Variants in MFGE8 observed in about 807,000 individuals in gnomAD.
The protein encoded by MFGE8 is lactadherin.
Under a neutral mutation model 42.6 loss-of-function variants are expected in MFGE8, and 34 were observed. The ratio of observed to expected loss-of-function variants is 0.80; its 90% confidence interval spans 0.61 to 1.06. The LOEUF (loss-of-function observed/expected upper bound fraction) is 1.06, where lower values mean the gene tolerates loss of function less well. MFGE8 is among the 50% of genes least tolerant of loss of function. The probability of loss-of-function intolerance (pLI) is 0.00; values close to 1 mark genes in which losing one functional copy is unlikely to be tolerated. For synonymous variants in MFGE8, 230 were observed against 214.8 expected, an observed-to-expected ratio of 1.07 and a Z score of -0.62; for missense variants, 510 against 516.9, an observed-to-expected ratio of 0.99 and a Z score of 0.13.
Position 88,899,518 on chromosome 15 carries a change from G to A in MFGE8, c.1041C>T (p.Asn347=), listed in dbSNP as rs778885417. 7 of 1,614,198 alleles carry A rather than the reference G, an allele frequency of 4.3e-6. No homozygotes were observed. Among genetic ancestry groups the A allele is most frequent in the Non-Finnish European group, 5.1e-6 (6 of 1,180,034 alleles). The change falls in exon 8 of 8, where the codon AAC becomes AAT. Residue 347 remains asparagine, a synonymous_variant. Transcript: ENST00000268150. The surrounding 1 kb of genome is among the most constrained non-coding windows in gnomAD (Gnocchi z 6.8). ...TCTTCTTGTGGGAGTGGTTGTCCCAGTTGCCAGGGAAGATCTAGAGGCAGA... is the reference window on the plus strand; with the variant it reads ...TCTTCTTGTGGGAGTGGTTGTCCCAATTGCCAGGGAAGATCTAGAGGCAGA... The part of the protein sequence containing the change: ...RTGSSKIFPG[N]WDNHSHKKNL...
intron 1 of MFGE8, chr15:88,912,964 C>T (rs1188131716): frequency 7.1e-6 from 7 of 985,340 alleles, no homozygotes; most frequent in South Asian, 4.7e-5. Flanking sequence ...AGGCCCGACA[C>T]AGCGGATTCC....
Position 88,906,729 on chromosome 15 carries a change from G to T in MFGE8, c.437C>A (p.Ala146Asp). The T allele has an allele frequency of 6.2e-7, 1 of 1,613,676 alleles. No individual in the cohort carries two copies. Among genetic ancestry groups the T allele is most frequent in the Non-Finnish European group, 8.5e-7 (1 of 1,179,926 alleles). ...MWVTGVVTQG[A>D]SRLASHEYLK... ...GTACTCATGACTGGCCAAGCGGCTGGCACCCTGCGTCACCACACCTGTTAC... is the reference window on the plus strand; with the variant it reads ...GTACTCATGACTGGCCAAGCGGCTGTCACCCTGCGTCACCACACCTGTTAC... The change falls in exon 4 of 8, where the codon GCC becomes GAC. Residue 146 changes from alanine to aspartate, a missense_variant. Ala to Asp is a moderately radical substitution (Grantham distance 126). Transcript: ENST00000268150. The surrounding 1 kb of genome is among the most constrained non-coding windows in gnomAD (Gnocchi z 4.2).
intron 1 of MFGE8, chr15:88,912,600 G>A (rs1178715779): frequency 2.0e-6 from 2 of 985,360 alleles, no homozygotes; most frequent in Non-Finnish European, 2.4e-6. Flanking sequence ...GAGGAGGACC[G>A]GGGAAGATAC....
chr15:88,900,281 A>G (rs1210867773), intron 6 of MFGE8, among the ~76,000 whole-genome samples: 1 of 151,346 alleles, frequency 6.6e-6, no homozygotes, highest in East Asian at 1.9e-4. Flanking sequence ...GGCATAAATA[A>G]TACCACCTAC....
At chr15:88,901,183 TCACACACACATTCACACATTCA>T (rs1367800561) in intron 6 of MFGE8, among the ~76,000 whole-genome samples, 1 of 46,528 alleles carries the variant, frequency 2.1e-5, no homozygotes, top group African/African-American at 8.2e-5. Flanking sequence ...TCTCACACAT[TCACACACACATTCACACATTCA>T]CACACACACA....
chr15:88,902,163 A>G lies in MFGE8; in HGVS notation c.686-428T>C, dbSNP rs1898465902. 1 of 224,644 alleles carries G rather than the reference A, an allele frequency of 4.5e-6. No individual in the cohort carries two copies. The highest frequency in any genetic ancestry group is 2.2e-5 in the African/African-American group (1 of 44,778). The allele number at this position is 224,644 out of a possible 1,614,324, so 13.9% of individuals were successfully genotyped here. A position where few individuals can be genotyped will look rare whatever the true frequency, so the allele number is the denominator to read the frequency against. Reference sequence around the variant, plus strand: ...ATCGCCTCGGCCTCCCATCCGTCCCATGGCACAGTCACTATCTACTTTAAT... The same window carrying G: ...ATCGCCTCGGCCTCCCATCCGTCCCGTGGCACAGTCACTATCTACTTTAAT... On this transcript the variant is annotated intron_variant, in intron 5 of 7. Transcript: ENST00000268150. The surrounding 1 kb of genome is among the most constrained non-coding windows in gnomAD (Gnocchi z 4.3).
Position 88,901,723 on chromosome 15 carries a change from G to C in MFGE8, c.698C>G (p.Pro233Arg), listed in dbSNP as rs1237152390. 3.1e-6 allele frequency: 5 copies of C among 1,613,754 alleles called. No homozygotes were observed. Among genetic ancestry groups the C allele is most frequent in the Non-Finnish European group, 4.2e-6 (5 of 1,179,978 alleles). The change falls in exon 6 of 8, where the codon CCC becomes CGC. Residue 233 changes from proline to arginine, a missense_variant. Physicochemically the swap from Pro to Arg is moderately radical, Grantham distance 103. Coordinates refer to ENST00000268150, the MANE Select transcript of MFGE8 (RefSeq NM_005928.4). ...LGCELNGCAN[P>R]LGLKNNSIPD... ...GATGCTGTTATTCTTCAGGCCCAGG[G>C]GATTGGCGCATCCTGCCAGCAAGGT...
At position 88,902,310 on chromosome 15, in the gene MFGE8, GAA is replaced by G. The variant is rs1471392845; in HGVS notation, c.686-577_686-576del. The G allele has an allele frequency of 6.3e-6, 1 of 158,762 alleles. No individual in the cohort carries two copies. Among genetic ancestry groups the G allele is most frequent in the Non-Finnish European group, 1.4e-5 (1 of 71,824 alleles). The allele number at this position is 158,762 out of a possible 1,614,324, so 9.8% of individuals were successfully genotyped here. A position where few individuals can be genotyped will look rare whatever the true frequency, so the allele number is the denominator to read the frequency against. ...AGCCCATTCTATAGATGAGAAAACT[GAA>G]AGACATTAAGCATCATGCTCAAGTC... On this transcript the variant is annotated intron_variant, in intron 5 of 7. Transcript: ENST00000268150. The surrounding 1 kb of genome is among the most constrained non-coding windows in gnomAD (Gnocchi z 4.3).
At chr15:88,901,044 C>CAT in intron 6 of MFGE8, among the ~76,000 whole-genome samples, 1 of 151,370 alleles carries the variant, frequency 6.6e-6, no homozygotes, top group South Asian at 2.1e-4. Flanking sequence ...TATTCACACA[C>CAT]ATTCACACAT....
intron 6 of MFGE8, chr15:88,900,658 G>A (rs910588646): frequency 4.1e-6 from 4 of 970,348 alleles, no homozygotes; most frequent in East Asian, 1.1e-4. Context: ...CCAACTCACT[G>A]CCAGCCAGCA....
rs758996079 is a variant in MFGE8, at chr15:88,906,515, A to G, written c.540+111T>C. On this transcript the variant is annotated intron_variant, in intron 4 of 7. Coordinates refer to ENST00000268150, the MANE Select transcript of MFGE8 (RefSeq NM_005928.4). This position sits in a 1 kb window ranked among gnomAD's most constrained non-coding sequence, Gnocchi z 4.2. ...AGCCAAGATGCACCCGAAGACCCAC[A>G]TCATAGCCAATCACCTAGGGTTCTC... 53 of 1,288,556 alleles carry G rather than the reference A, an allele frequency of 4.1e-5. 3 individuals carry two copies. The South Asian group carries it at 6.2e-4, about 15-fold the overall frequency. 79.8% of individuals were successfully genotyped at this position (1,288,556 alleles called of 1,614,324 possible). A position where few individuals can be genotyped will look rare whatever the true frequency, so the allele number is the denominator to read the frequency against.
chr15:88,899,942 T>C lies in MFGE8; in HGVS notation c.871-131A>G, dbSNP rs946509967. 1.6e-5 allele frequency: 17 copies of C among 1,094,430 alleles called. No individual in the cohort carries two copies. The highest frequency in any genetic ancestry group is 2.0e-5 in the Non-Finnish European group (15 of 735,564). 67.8% of individuals were successfully genotyped at this position (1,094,430 alleles called of 1,614,324 possible). A position where few individuals can be genotyped will look rare whatever the true frequency, so the allele number is the denominator to read the frequency against. Reference sequence around the variant, plus strand: ...GGGTGAGCCTCAGTTTCTTTGGCTATAAAATGGGCATAAGGCCGGACATGG... The same window carrying C: ...GGGTGAGCCTCAGTTTCTTTGGCTACAAAATGGGCATAAGGCCGGACATGG... On this transcript the variant is annotated intron_variant, in intron 6 of 7. Transcript: ENST00000268150. The surrounding 1 kb of genome is among the most constrained non-coding windows in gnomAD (Gnocchi z 6.8).
At chr15:88,912,014 T>C (rs1346771428) in intron 1 of MFGE8, 15 of 822,076 alleles carry the variant, frequency 1.8e-5, no homozygotes, top group Non-Finnish European at 1.8e-5. Context: ...GGGTTGGGAA[T>C]GGACTCTTCC....
Position 88,906,075 on chromosome 15 carries a change from C to T in MFGE8, c.541-174G>A, listed in dbSNP as rs943518454. On this transcript the variant is annotated intron_variant, in intron 4 of 7. Transcript: ENST00000268150. This position sits in a 1 kb window ranked among gnomAD's most constrained non-coding sequence, Gnocchi z 4.2. ...AGCAGCCTCTCCTTTGGCCACCCCA[C>T]GGCCCTCCACAAAGATTCTCCTCTC... 3.3e-5 allele frequency: 23 copies of T among 690,066 alleles called. No individual in the cohort carries two copies. Among genetic ancestry groups the T allele is most frequent in the South Asian group, 1.2e-4 (7 of 57,396 alleles). 42.7% of individuals were successfully genotyped at this position (690,066 alleles called of 1,614,324 possible).
At chr15:88,911,882 C>G (rs1172044283) in intron 1 of MFGE8, among the ~76,000 whole-genome samples, 2 of 152,226 alleles carry the variant, frequency 1.3e-5, no homozygotes, top group South Asian at 2.1e-4. Flanking sequence ...AGAGCTCCCC[C>G]TCCAGGGGCC....
chr15:88,898,687 C>G lies in MFGE8; in HGVS notation c.*708G>C, dbSNP rs982257123. On this transcript the variant is annotated 3_prime_UTR_variant, in exon 8 of 8. Transcript: ENST00000268150. ...AATAACGAACCACACCAAGAGTTCC[C>G]GTGAAGAAGATAAATATATTTTGGA... 18 of 152,904 alleles carry G rather than the reference C, an allele frequency of 1.2e-4. No individual in the cohort carries two copies. Among genetic ancestry groups the G allele is most frequent in the African/African-American group, 4.3e-4 (18 of 41,516 alleles). The allele number at this position is 152,904 out of a possible 1,614,324, so 9.5% of individuals were successfully genotyped here. A position where few individuals can be genotyped will look rare whatever the true frequency, so the allele number is the denominator to read the frequency against.
In MFGE8 at chr15:88,909,812, G is replaced by C. The variant is rs34449331; in HGVS notation, c.185C>G (p.Ala62Gly). The change falls in exon 2 of 8, where the codon GCG becomes GGG. Residue 62 changes from alanine to glycine, a missense_variant. Transcript: ENST00000268150. ...CTCACTCGTCTCACAGTGGTTGCCC[G>C]CGTAGCCCTTAAGGCACGTGCAGGT... ...SYTCTCLKGY[A>G]GNHCETKCVE... The C allele has an allele frequency of 3.1e-6, 5 of 1,614,186 alleles. No individual in the cohort carries two copies. The highest frequency in any genetic ancestry group is 4.2e-6 in the Non-Finnish European group (5 of 1,180,016).
Position 88,902,960 on chromosome 15 carries a change from T to C in MFGE8, c.686-1225A>G, listed in dbSNP as rs1898501935. 6.6e-6 allele frequency: 1 copy of C among 152,186 alleles called. No homozygotes were observed. Among genetic ancestry groups the C allele is most frequent in the Admixed American group, 6.5e-5 (1 of 15,284 alleles). 9.4% of individuals were successfully genotyped at this position (152,186 alleles called of 1,614,324 possible). ...CACTGCCCACCTGTACTCTCACCAC[T>C]CAAGACATTTGCCTCCAGGGTGTGT... On this transcript the variant is annotated intron_variant, in intron 5 of 7. Transcript: ENST00000268150. The surrounding 1 kb of genome is among the most constrained non-coding windows in gnomAD (Gnocchi z 4.3).
rs147022603 is a variant in MFGE8 at position 88,909,818 on chromosome 15, C to G, written c.179G>C (p.Gly60Ala). Residue 60 changes from glycine (G) to alanine (A), a missense_variant, in exon 2 of 8, where the codon GGC becomes GCC. Physicochemically the swap from Gly to Ala is moderately conservative, Grantham distance 60. Coordinates refer to ENST00000268150, the MANE Select transcript of MFGE8 (RefSeq NM_005928.4). ...FPSYTCTCLK[G>A]YAGNHCETKC... ...CGTCTCACAGTGGTTGCCCGCGTAG[C>G]CCTTAAGGCACGTGCAGGTGTACGA... 49 of 1,614,138 alleles carry G rather than the reference C, an allele frequency of 3.0e-5. No homozygotes were observed. In the Middle Eastern group the frequency reaches 1.3e-3, roughly 43 times the overall value.
Sources: gnomAD v4.1 joint callset for allele counts (sites outside exome capture counted in the v4.1 genomes callset) on GRCh38, gnomAD v4.1.1 for gene constraint, Gnocchi (gnomAD v3.1) non-coding constraint, MANE v1.5 for transcripts, NCBI Gene and HGNC (gene_info 2026-07-23, HGNC 2026-07-21) for gene names.